The following LYRM4 variants were observed in gnomAD, a reference collection of about 807,000 sequenced individuals.
LYRM4 encodes LYR motif containing 4.
Under a neutral mutation model 11.7 loss-of-function variants are expected in LYRM4, and 9 were observed. That is an observed-to-expected ratio of 0.77 (90% CI 0.46 to 1.34). LYRM4 has a LOEUF of 1.34. Ranked by LOEUF, LYRM4 falls within the 40% of genes most tolerant of loss-of-function variation. The pLI, the probability that LYRM4 is intolerant of heterozygous loss-of-function variation, is 0.00. For missense variants in LYRM4, 133 were observed against 112.5 expected, an observed-to-expected ratio of 1.18 and a Z score of -0.82; for synonymous variants, 42 against 40.4, an observed-to-expected ratio of 1.04 and a Z score of -0.15.
chr6:5,135,318 A>G (rs9405804), intron 2 of LYRM4, among the ~76,000 whole-genome samples: 1 of 460 alleles, frequency 2.2e-3, no homozygotes, highest in Non-Finnish European at 3.4e-3. Context: ...CACTCCCGGG[A>G]CTGTGGAGGG....
intron 2 of LYRM4, among the ~76,000 whole-genome samples, chr6:5,123,539 G>A (rs564093464): frequency 3.9e-5 from 6 of 152,214 alleles, no homozygotes; most frequent in East Asian, 3.8e-4. Flanking sequence ...CAAAACTGAC[G>A]TTCAGGCAGC....
At chr6:5,200,992 A>G (rs1393626870) in intron 2 of LYRM4, among the ~76,000 whole-genome samples, 1 of 152,226 alleles carries the variant, frequency 6.6e-6, no homozygotes, top group African/African-American at 2.4e-5. Flanking sequence ...GTAATGTATA[A>G]GAACAAAATA....
Position 5,140,572 on chromosome 6 carries a change from A to C in LYRM4, c.208-31081T>G, listed in dbSNP as rs28475058. 3.2e-3 allele frequency among the ~76,000 whole-genome samples: 481 copies of C among 152,300 alleles called. 2 individuals are homozygous for C. Among genetic ancestry groups the C allele is most frequent in the Middle Eastern group, 6.8e-3 (2 of 294 alleles). ...AGTAGAAAGTACTTAAGTGCATTAC[A>C]GGTATGCACAGTGTGTGGCTGAGGA... On this transcript the variant is annotated intron_variant, in intron 2 of 2. Transcript: ENST00000330636.
chr6:5,248,446 G>T (rs1285226510), intron 1 of LYRM4, among the ~76,000 whole-genome samples: 2 of 152,232 alleles, frequency 1.3e-5, no homozygotes, highest in Non-Finnish European at 2.9e-5. Context: ...CAATGCCGAG[G>T]ACCACGTTCT....
rs996242451 is a variant in LYRM4 at position 5,202,957 on chromosome 6, G to C, written c.207+13661C>G. On this transcript the variant is annotated intron_variant, in intron 2 of 2. Transcript: ENST00000330636. ...AGGGCACTGTGATAAGTGTGAGACA[G>C]AGAGGACAGCCCTAGTCTCCAAGGA... Among the ~76,000 whole-genome samples, 7 of 152,180 alleles carry C rather than the reference G, an allele frequency of 4.6e-5. 1 individual carries two copies. The South Asian group carries it at 1.5e-3, about 32-fold the overall frequency.
chr6:5,036,804 T>C, the LYRM4 span, among the ~76,000 whole-genome samples: 5 of 152,152 alleles, frequency 3.3e-5, no homozygotes, highest in African/African-American at 1.2e-4. Flanking sequence ...GAAGACACAG[T>C]CCACTTTCTC....
At chr6:5,202,576 G>T (rs966077021) in intron 2 of LYRM4, among the ~76,000 whole-genome samples, 1 of 152,188 alleles carries the variant, frequency 6.6e-6, no homozygotes, top group East Asian at 1.9e-4. Context: ...GTTTGGGCAA[G>T]AAGTACTTGT....
chr6:5,144,802 C>T (rs965834878), intron 2 of LYRM4, among the ~76,000 whole-genome samples: 2 of 152,176 alleles, frequency 1.3e-5, no homozygotes, highest in African/African-American at 4.8e-5. Flanking sequence ...TCCCGGGCTG[C>T]CCGGCCTTCC....
At chr6:5,034,035 T>A in the LYRM4 span, 1 of 152,250 alleles carries the variant, frequency 6.6e-6, no homozygotes, top group Non-Finnish European at 1.5e-5. Context: ...GCTTTTGCAT[T>A]TTTGTACTTT....
chr6:5,086,337 C>T, the LYRM4 span: 27 of 1,535,686 alleles, frequency 1.8e-5, no homozygotes, highest in Non-Finnish European at 2.4e-5. Flanking sequence ...CTGGGGCCTC[C>T]GAGCCAGGGT....
chr6:5,232,148 A>T (rs6935687), intron 1 of LYRM4, among the ~76,000 whole-genome samples: 10,258 of 152,306 alleles, frequency 0.067, 1,087 homozygotes, highest in African/African-American at 0.22. Context: ...AGTCTCAAAA[A>T]AAACTGTTGA....
chr6:5,252,343 C>G (rs1285747017), intron 1 of LYRM4, among the ~76,000 whole-genome samples: 1 of 152,178 alleles, frequency 6.6e-6, no homozygotes, highest in Admixed American at 6.5e-5. Flanking sequence ...AATCAAGTTG[C>G]TTCTCCTCTC....
the LYRM4 span, among the ~76,000 whole-genome samples, chr6:5,038,597 T>C: frequency 3.1e-5 from 2 of 64,188 alleles, 1 homozygote; most frequent in Non-Finnish European, 7.6e-5. Context: ...CTGGGCACCA[T>C]TGAGCACCGA....
the LYRM4 span, among the ~76,000 whole-genome samples, chr6:5,056,091 G>A: frequency 6.6e-6 from 1 of 152,008 alleles, no homozygotes; most frequent in African/African-American, 2.4e-5. Context: ...TTAGCCTCCT[G>A]AGCACAAGCA....
At chr6:5,073,519 T>A in the LYRM4 span, among the ~76,000 whole-genome samples, 1 of 148,028 alleles carries the variant, frequency 6.8e-6, no homozygotes, top group South Asian at 2.1e-4. Flanking sequence ...TCTCTATATA[T>A]CTATATGTAT....
intron 1 of LYRM4, among the ~76,000 whole-genome samples, chr6:5,247,302 G>C (rs1299040559): frequency 3.3e-5 from 5 of 152,202 alleles, no homozygotes; most frequent in African/African-American, 1.2e-4. Flanking sequence ...CAGAACACTA[G>C]ACTACCGGAT....
intron 2 of LYRM4, among the ~76,000 whole-genome samples, chr6:5,161,080 T>G (rs1758733915): frequency 5.9e-5 from 9 of 152,212 alleles, no homozygotes; most frequent in Admixed American, 5.2e-4. Context: ...ACTACATATG[T>G]GGAATATCTA....
At position 5,192,440 on chromosome 6, in the gene LYRM4, C is replaced by A. The variant is rs189003305; in HGVS notation, c.207+24178G>T. ...GCACCCCTCCCCTTACTCAGTCCCC[C>A]CAAAGAGACATGTAGTAAGGCTCTG... On this transcript the variant is annotated intron_variant, in intron 2 of 2. Coordinates refer to ENST00000330636, the MANE Select transcript of LYRM4 (RefSeq NM_020408.6). Among the ~76,000 whole-genome samples the A allele has an allele frequency of 5.9e-5, 9 of 152,282 alleles. No homozygotes were observed. In the South Asian group the frequency reaches 6.2e-4, roughly 11 times the overall value.
chr6:5,122,783 G>A (rs1763517742), intron 2 of LYRM4, among the ~76,000 whole-genome samples: 1 of 152,160 alleles, frequency 6.6e-6, no homozygotes, highest in African/African-American at 2.4e-5. Context: ...AGAGACAAAC[G>A]AGGCAGACAT....
Sources: gnomAD v4.1 joint callset for allele counts (sites outside exome capture counted in the v4.1 genomes callset) on GRCh38, gnomAD v4.1.1 for gene constraint, MANE v1.5 for transcripts, NCBI Gene and HGNC (gene_info 2026-07-23, HGNC 2026-07-21) for gene names.